The following PTPN14 variants were observed in gnomAD, a reference collection of about 807,000 sequenced individuals.
PTPN14 encodes the protein protein tyrosine phosphatase non-receptor type 14, also known as tyrosine-protein phosphatase non-receptor type 14.
PTPN14 carries 53 observed loss-of-function variants against 126.8 expected under a neutral mutation model. The observed-to-expected ratio is 0.42, with a 90% confidence interval of 0.34 to 0.53. The LOEUF (loss-of-function observed/expected upper bound fraction) is 0.53. Ranked by LOEUF, PTPN14 falls within the 20% of genes least tolerant of loss-of-function variation. PTPN14 has a pLI of 0.08. For synonymous variants in PTPN14, 630 were observed against 599.3 expected (o/e 1.05, Z -0.75); for missense variants, 1,257 against 1,552.9 (o/e 0.81, Z 3.20).
At chr1:214,435,227 G>A (rs562260522) in intron 3 of PTPN14, among the ~76,000 whole-genome samples, 24 of 152,026 alleles carry the variant, frequency 1.6e-4, no homozygotes, top group Admixed American at 5.9e-4. Flanking sequence ...GGTTCAGTCC[G>A]GTAGTGTGTC....
intron 1 of PTPN14, among the ~76,000 whole-genome samples, chr1:214,521,721 A>ACACC (rs112153984): frequency 0.018 from 2,573 of 140,164 alleles, 56 homozygotes; most frequent in African/African-American, 0.063. Context: ...ATCTCAAAGC[A>ACACC]CACCCACACA....
intron 1 of PTPN14, among the ~76,000 whole-genome samples, chr1:214,543,111 G>A (rs958050512): frequency 2.0e-5 from 3 of 152,168 alleles, no homozygotes; most frequent in African/African-American, 7.2e-5. Flanking sequence ...GTAAAAACTA[G>A]TAACTTTGAG....
In PTPN14 at chr1:214,351,495, T is replaced by C. The variant is rs999114659; in HGVS notation, c.*6427A>G. The C allele has an allele frequency of 6.6e-6, 1 of 152,214 alleles. No homozygotes were observed. Among genetic ancestry groups the C allele is most frequent in the Middle Eastern group, 3.2e-3 (1 of 316 alleles). 9.4% of individuals were successfully genotyped at this position (152,214 alleles called of 1,614,324 possible). A position where few individuals can be genotyped will look rare whatever the true frequency, so the allele number is the denominator to read the frequency against. ...ACTTGCTCTAAAGGGGAATGTCCTCTGCAGCACCTCTGAGATCACAGGGGA... is the reference window on the plus strand; with the variant it reads ...ACTTGCTCTAAAGGGGAATGTCCTCCGCAGCACCTCTGAGATCACAGGGGA... On this transcript the variant is annotated 3_prime_UTR_variant, in exon 19 of 19. Transcript: ENST00000366956.
At chr1:214,444,404 T>C (rs1660098389) in intron 3 of PTPN14, among the ~76,000 whole-genome samples, 1 of 152,224 alleles carries the variant, frequency 6.6e-6, no homozygotes, top group African/African-American at 2.4e-5. Context: ...ATGCTTAATC[T>C]TAAGACTTGA....
In PTPN14 at chr1:214,357,889, T is replaced by C. The variant is rs1657861145; in HGVS notation, c.*33A>G. Reference sequence around the variant, plus strand: ...TGACTCTCCTCCAGCGCGATGGAGCTGGGTCCCTCCTCCAGGAGCTGGATT... The same window carrying C: ...TGACTCTCCTCCAGCGCGATGGAGCCGGGTCCCTCCTCCAGGAGCTGGATT... On this transcript the variant is annotated 3_prime_UTR_variant, in exon 19 of 19. Transcript: ENST00000366956. 4 of 1,600,448 alleles carry C rather than the reference T, an allele frequency of 2.5e-6. No individual in the cohort carries two copies. Among genetic ancestry groups the C allele is most frequent in the Non-Finnish European group, 3.4e-6 (4 of 1,169,398 alleles).
Position 214,393,680 on chromosome 1 carries a change from T to TA in PTPN14, c.929+14dup. 6.5e-7 allele frequency: 1 copy of TA among 1,545,292 alleles called. No homozygotes were observed. Among genetic ancestry groups the TA allele is most frequent in the Non-Finnish European group, 8.9e-7 (1 of 1,117,848 alleles). ...ACAAAGCCATCAAGTCGGGGGGGATTAAATGTTTACTTACTCAGTGCAGAT... is the reference window on the plus strand; with the variant it reads ...ACAAAGCCATCAAGTCGGGGGGGATTAAAATGTTTACTTACTCAGTGCAGAT... On this transcript the variant is annotated intron_variant, in intron 10 of 18. Transcript: ENST00000366956.
chr1:214,543,258 C>T (rs894439623), intron 1 of PTPN14, among the ~76,000 whole-genome samples: 4 of 152,148 alleles, frequency 2.6e-5, no homozygotes, highest in Non-Finnish European at 5.9e-5. Context: ...TGAGATGTTC[C>T]TCCTTCCTAA....
At chr1:214,387,480 C>T (rs907183531) in intron 11 of PTPN14, among the ~76,000 whole-genome samples, 7 of 152,010 alleles carry the variant, frequency 4.6e-5, no homozygotes, top group African/African-American at 1.7e-4. Context: ...CACTGCACTT[C>T]AGGTTGGGCA....
intron 1 of PTPN14, among the ~76,000 whole-genome samples, chr1:214,506,734 G>A (rs971106751): frequency 6.6e-6 from 1 of 152,064 alleles, no homozygotes; most frequent in African/African-American, 2.4e-5. Context: ...CATAACTGAC[G>A]CTGCACCCAG....
At chr1:214,411,492 G>A (rs115721451) in intron 5 of PTPN14, among the ~76,000 whole-genome samples, 192 bp downstream of exon 5, 15 of 152,176 alleles carry the variant, frequency 9.9e-5, no homozygotes, top group African/African-American at 3.1e-4. Flanking sequence ...AAGAAATTAG[G>A]GAAGTGTCTT....
At chr1:214,397,584 C>T (rs1025071111) in intron 8 of PTPN14, among the ~76,000 whole-genome samples, 5 of 152,212 alleles carry the variant, frequency 3.3e-5, no homozygotes, top group African/African-American at 1.2e-4. Context: ...TCTTGTGGCA[C>T]AGGTGGTTCA....
intron 1 of PTPN14, among the ~76,000 whole-genome samples, chr1:214,471,306 C>A (rs542622016): frequency 1.3e-5 from 2 of 152,248 alleles, no homozygotes; most frequent in East Asian, 3.9e-4. Context: ...CCAAGGTTTA[C>A]TATTAGGGAT....
intron 16 of PTPN14, among the ~76,000 whole-genome samples, chr1:214,370,280 C>CA (rs561271706): frequency 0.42 from 40,514 of 96,898 alleles, 6,795 homozygotes; most frequent in Admixed American, 0.51. Flanking sequence ...GATTCCATCT[C>CA]AAAAAAAAAA....
chr1:214,418,032 C>T (rs1558093448), intron 3 of PTPN14, among the ~76,000 whole-genome samples: 2 of 152,196 alleles, frequency 1.3e-5, no homozygotes, highest in Non-Finnish European at 2.9e-5. Flanking sequence ...GCCTTCCCAA[C>T]AGGGTCATGC....
At chr1:214,451,244 T>G (rs1031953457) in intron 3 of PTPN14, among the ~76,000 whole-genome samples, 2 of 152,138 alleles carry the variant, frequency 1.3e-5, no homozygotes, top group East Asian at 3.8e-4. Flanking sequence ...CACTGCAGCC[T>G]TGAACTTCTG....
At position 214,350,388 on chromosome 1, in the gene PTPN14, T is replaced by C. The variant is rs1657679832; in HGVS notation, c.*7534A>G. ...TCGAAATACATATTAAGTACTGCTG[T>C]CATCATTGTTTTAAACAGAGCGTCT... On this transcript the variant is annotated 3_prime_UTR_variant, in exon 19 of 19. Transcript: ENST00000366956. 1 of 152,188 alleles carries C rather than the reference T, an allele frequency of 6.6e-6. No individual in the cohort carries two copies. Among genetic ancestry groups the C allele is most frequent in the Non-Finnish European group, 1.5e-5 (1 of 68,054 alleles). 9.4% of individuals were successfully genotyped at this position (152,188 alleles called of 1,614,324 possible).
intron 1 of PTPN14, among the ~76,000 whole-genome samples, chr1:214,472,022 C>T (rs1199292571): frequency 6.6e-6 from 1 of 152,206 alleles, no homozygotes; most frequent in Admixed American, 6.5e-5. Flanking sequence ...GTCTCACCTC[C>T]CCAGTCAGAG....
At chr1:214,397,766 C>A in intron 8 of PTPN14, 147 bp downstream of exon 8, 1 of 597,428 alleles carries the variant, frequency 1.7e-6, no homozygotes, top group Admixed American at 3.2e-5. Context: ...CTGCTTAAAT[C>A]CTGCAGAGGG....
chr1:214,547,608 G>A (rs562393674), intron 1 of PTPN14, among the ~76,000 whole-genome samples: 1 of 152,294 alleles, frequency 6.6e-6, no homozygotes, highest in South Asian at 2.1e-4. Flanking sequence ...GGAAATCAAG[G>A]CTGCAAAGAT....
Sources: allele counts gnomAD v4.1 joint callset (sites outside exome capture counted in the v4.1 genomes callset), GRCh38; gene constraint gnomAD v4.1.1; transcripts MANE v1.5; gene names NCBI Gene and HGNC (gene_info 2026-07-23, HGNC 2026-07-21).